PNPLA7: variants seen among roughly 807,000 people sequenced by gnomAD.
PNPLA7 encodes the protein patatin-like phospholipase domain-containing protein 7.
A neutral mutation model predicts 161.7 loss-of-function variants in PNPLA7; 153 were observed. The observed-to-expected ratio is 0.95, with a 90% confidence interval of 0.83 to 1.08. PNPLA7 has a LOEUF of 1.08. Among genes scored for constraint, PNPLA7 ranks in the 50% least tolerant of loss-of-function variants. PNPLA7 has a pLI of 0.00. For missense variants in PNPLA7, 1,739 were observed against 1,856.6 expected (o/e 0.94, Z 1.16); for synonymous variants, 809 against 782.1 (o/e 1.03, Z -0.57).
intron 31 of PNPLA7, 63 bp from the exon 32 acceptor site, chr9:137,462,104 A>C: frequency 6.6e-7 from 1 of 1,519,278 alleles, no homozygotes; most frequent in East Asian, 2.4e-5. Context: ...TGTGTTCTCA[A>C]AAGGGGGAAG....
chr9:137,462,199 CG>C lies in PNPLA7; in HGVS notation c.3624del (p.Phe1208LeufsTer140). On this transcript the variant is annotated frameshift_variant, in exon 31 of 35. Coordinates refer to ENST00000406427, the MANE Select transcript of PNPLA7 (RefSeq NM_001098537.3). LOFTEE classifies it high-confidence loss of function. ...CTCACGCAGATCTCGTTGAACTTGC[CG>C]AAGTCCAGGGTGCTGTAGCTGTCGA... ...PPIDSYSTLDFGKFNEICEVG... is the reference protein window; with the variant it reads ...PPIDSYSTLDXGKFNEICEVG... The C allele has an allele frequency of 6.4e-7, 1 of 1,571,602 alleles. No individual in the cohort carries two copies. Among genetic ancestry groups the C allele is most frequent in the Non-Finnish European group, 8.7e-7 (1 of 1,155,770 alleles).
rs927934308 is a variant in PNPLA7 at position 137,537,753 on chromosome 9, C to T, written c.747+2889G>A. ...ACCCGGCCCGTCTCAGCGCACAGCT[C>T]CCCTCTCCTGGAACAGGCATGGCTG... On this transcript the variant is annotated intron_variant, in intron 8 of 34. Coordinates refer to ENST00000406427, the MANE Select transcript of PNPLA7 (RefSeq NM_001098537.3). This position sits in a 1 kb window ranked among gnomAD's most constrained non-coding sequence, Gnocchi z 4.5. Among the ~76,000 whole-genome samples, 14 of 152,122 alleles carry T rather than the reference C, an allele frequency of 9.2e-5. No homozygotes were observed. The highest frequency in any genetic ancestry group is 2.1e-4 in the Non-Finnish European group (14 of 68,024).
rs776141435 is a variant in PNPLA7, at chr9:137,500,518, G to A, written c.1757+173C>T. Among the ~76,000 whole-genome samples the A allele has an allele frequency of 1.3e-5, 2 of 152,080 alleles. No individual in the cohort carries two copies. Among genetic ancestry groups the A allele is most frequent in the Non-Finnish European group, 2.9e-5 (2 of 68,002 alleles). Reference sequence around the variant, plus strand: ...CGGGCAGGTGGGGTCGGCTGACTGAGCGCTGGAGCAGGGGGCACAGACCTG... The same window carrying A: ...CGGGCAGGTGGGGTCGGCTGACTGAACGCTGGAGCAGGGGGCACAGACCTG... On this transcript the variant is annotated intron_variant, in intron 16 of 34. Coordinates refer to ENST00000406427, the MANE Select transcript of PNPLA7 (RefSeq NM_001098537.3). This position sits in a 1 kb window ranked among gnomAD's most constrained non-coding sequence, Gnocchi z 5.5.
chr9:137,467,454 C>A lies in PNPLA7; in HGVS notation c.2902G>T (p.Val968Phe), dbSNP rs747546969. 1 of 1,613,148 alleles carries A rather than the reference C, an allele frequency of 6.2e-7. No homozygotes were observed. Among genetic ancestry groups the A allele is most frequent in the Admixed American group, 1.7e-5 (1 of 60,024 alleles). Residue 968 changes from valine (V) to phenylalanine (F), a missense_variant, in exon 26 of 35, where the codon GTT (valine) becomes TTT (phenylalanine). Around this residue, in one of 6 missense-constraint regions of PNPLA7, gnomAD observed 703 missense variants for 694.6 expected, o/e 1.01. Coordinates refer to ENST00000406427, the MANE Select transcript of PNPLA7 (RefSeq NM_001098537.3). This position sits in a 1 kb window ranked among gnomAD's most constrained non-coding sequence, Gnocchi z 5.1. ...GGARGCAQVG[V>F]LKALAECGIP... Reference sequence around the variant, plus strand: ...CCGCACTCCGCCAAGGCCTTGAGAACGCCCACCTGGGCACAGCCTCTACAC... The same window carrying A: ...CCGCACTCCGCCAAGGCCTTGAGAAAGCCCACCTGGGCACAGCCTCTACAC...
Position 137,543,813 on chromosome 9 carries a change from C to T in PNPLA7, c.276G>A (p.Val92=). ...MFYGRKIMRK[V]TTLPNTLVEN... is the part of the protein sequence containing the mutation. ...CCACAAGGGTGTTGGGGAGTGTGGT[C>T]ACCTGCAGAGCCAAGGGAGAGACCA... Residue 92 remains valine, a splice_region_variant and synonymous_variant, in exon 5 of 35, where the codon GTG becomes GTA. Coordinates refer to ENST00000406427, the MANE Select transcript of PNPLA7 (RefSeq NM_001098537.3). The surrounding 1 kb of genome is among the most constrained non-coding windows in gnomAD (Gnocchi z 6.9). The T allele has an allele frequency of 6.2e-7, 1 of 1,613,324 alleles. No individual in the cohort carries two copies. Among genetic ancestry groups the T allele is most frequent in the Non-Finnish European group, 8.5e-7 (1 of 1,179,662 alleles).
intron 25 of PNPLA7, 133 bp downstream of exon 25, chr9:137,477,901 T>C (rs893795216): frequency 2.9e-6 from 2 of 701,482 alleles, no homozygotes; most frequent in Non-Finnish European, 4.0e-6. Flanking sequence ...AGGCTGGGTC[T>C]GGACAGGCGG....
At chr9:137,538,407 G>A (rs1004397500) in intron 8 of PNPLA7, among the ~76,000 whole-genome samples, 1 of 152,190 alleles carries the variant, frequency 6.6e-6, no homozygotes, top group African/African-American at 2.4e-5. Context: ...AGCTTGTTAC[G>A]TCCTTTCCGA....
At chr9:137,492,411 T>TA in intron 20 of PNPLA7, 1 of 473,404 alleles carries the variant, frequency 2.1e-6, no homozygotes, top group Non-Finnish European at 2.7e-6. Flanking sequence ...CACATTGAGA[T>TA]ACAGTTTGAA....
rs969266671 is a variant in PNPLA7 at position 137,490,348 on chromosome 9, C to T, written c.2197+2665G>A. Reference sequence around the variant, plus strand: ...TTGGGCTCAAATAATCCTCCTGTCTCGGCCTCCCAAAGTGCTGGGATGAGG... The same window carrying T: ...TTGGGCTCAAATAATCCTCCTGTCTTGGCCTCCCAAAGTGCTGGGATGAGG... On this transcript the variant is annotated intron_variant, in intron 20 of 34. Transcript: ENST00000406427. The surrounding 1 kb of genome is among the most constrained non-coding windows in gnomAD (Gnocchi z 4.1). Among the ~76,000 whole-genome samples the T allele has an allele frequency of 4.6e-5, 7 of 152,160 alleles. No individual in the cohort carries two copies. The highest frequency in any genetic ancestry group is 1.4e-4 in the African/African-American group (6 of 41,418).
chr9:137,473,808 C>T (rs1831818874), intron 25 of PNPLA7, among the ~76,000 whole-genome samples: 1 of 151,432 alleles, frequency 6.6e-6, no homozygotes, highest in Middle Eastern at 3.4e-3. Flanking sequence ...TACCAAGGGT[C>T]GGTGGGGATG....
intron 12 of PNPLA7, among the ~76,000 whole-genome samples, chr9:137,512,347 G>A (rs1028671897): frequency 6.6e-6 from 1 of 152,256 alleles, no homozygotes; most frequent in Admixed American, 6.5e-5. Flanking sequence ...CCCACGGGAC[G>A]TGGAGCAGGG....
At chr9:137,501,049 C>T (rs1159010079) in intron 15 of PNPLA7, among the ~76,000 whole-genome samples, 153 bp from the exon 16 acceptor site, 4 of 152,196 alleles carry the variant, frequency 2.6e-5, no homozygotes, top group Non-Finnish European at 2.9e-5. Flanking sequence ...GGAAACATTT[C>T]GGCAGCGTCT....
At chr9:137,495,197 A>G in intron 18 of PNPLA7, 51 bp from the exon 19 acceptor site, 2 of 1,374,490 alleles carry the variant, frequency 1.5e-6, no homozygotes, top group East Asian at 4.6e-5. Context: ...GGGCCGAGCC[A>G]GCTGGACCTG....
intron 4 of PNPLA7, among the ~76,000 whole-genome samples, chr9:137,546,565 G>A (rs1183476583): frequency 6.6e-6 from 1 of 152,218 alleles, no homozygotes; most frequent in East Asian, 1.9e-4. Flanking sequence ...TGCCCCTCCA[G>A]GCCAGGGGGA....
In PNPLA7 at chr9:137,496,084, C is replaced by A. The variant is rs1239700931; in HGVS notation, c.2014-938G>T. 3.3e-5 allele frequency among the ~76,000 whole-genome samples: 5 copies of A among 152,010 alleles called. No individual in the cohort carries two copies. The East Asian group carries it at 9.7e-4, about 30-fold the overall frequency. Reference sequence around the variant, plus strand: ...AGGCCACGCTGTCCCCAGGGGAGGGCACCTAGGCCTCCCCACACACTGTTT... The same window carrying A: ...AGGCCACGCTGTCCCCAGGGGAGGGAACCTAGGCCTCCCCACACACTGTTT... On this transcript the variant is annotated intron_variant, in intron 18 of 34. Transcript: ENST00000406427.
At chr9:137,466,496 G>A (rs544880429) in intron 26 of PNPLA7, among the ~76,000 whole-genome samples, 145 of 55,652 alleles carry the variant, frequency 2.6e-3, no homozygotes, top group Non-Finnish European at 3.8e-3. Context: ...CCACCACCTC[G>A]ACCATCTAAG....
intron 18 of PNPLA7, among the ~76,000 whole-genome samples, chr9:137,496,182 G>A (rs1048866944): frequency 3.3e-5 from 5 of 150,622 alleles, no homozygotes; most frequent in Admixed American, 3.3e-4. Flanking sequence ...TTACTGCACA[G>A]GCTGGAGTGC....
chr9:137,527,179 A>C (rs1177427568), intron 8 of PNPLA7, among the ~76,000 whole-genome samples: 1 of 133,248 alleles, frequency 7.5e-6, no homozygotes, highest in Non-Finnish European at 1.6e-5. Flanking sequence ...AGGCAGGAGA[A>C]TTGCTTGAAT....
rs1465615717 is a variant in PNPLA7, at chr9:137,533,118, T to C, written c.747+7524A>G. On this transcript the variant is annotated intron_variant, in intron 8 of 34. Coordinates refer to ENST00000406427, the MANE Select transcript of PNPLA7 (RefSeq NM_001098537.3). ...TGTCCACTCCAGACGGGAGCACCCC[T>C]AGACTCCTCCCCAACAGTGTCCACT... 5.0e-3 allele frequency among the ~76,000 whole-genome samples: 554 copies of C among 110,590 alleles called. No homozygotes were observed. In the Middle Eastern group the frequency reaches 0.075, roughly 15 times the overall value. 72.6% of individuals were successfully genotyped at this position (110,590 alleles called of 152,430 possible).
Sources: gnomAD v4.1 joint callset for allele counts (sites outside exome capture counted in the v4.1 genomes callset) on GRCh38, gnomAD v4.1.1 for gene constraint, gnomAD v4.1.1 regional missense constraint, Gnocchi (gnomAD v3.1) non-coding constraint, MANE v1.5 for transcripts, NCBI Gene and HGNC (gene_info 2026-07-23, HGNC 2026-07-21) for gene names.